Variants in ANK2 observed in about 807,000 individuals in gnomAD.
The protein encoded by ANK2 is ankyrin-2.
In ANK2, 83 loss-of-function variants were observed where a neutral mutation model predicts 360.5. The ratio of observed to expected loss-of-function variants is 0.23; its 90% CI spans 0.19 to 0.28. The LOEUF is 0.28. ANK2 is among the 10% of genes least tolerant of loss of function. The probability of loss-of-function intolerance (pLI) is 1.00; values close to 1 mark genes in which losing one functional copy is unlikely to be tolerated. For synonymous variants in ANK2, 1,740 were observed against 1,759.5 expected, an observed-to-expected ratio of 0.99 and a Z score of 0.28; for missense variants, 4,201 against 4,795.7, an observed-to-expected ratio of 0.88 and a Z score of 3.66.
chr4:112,808,377 C>T, the ANK2 span, among the ~76,000 whole-genome samples: 4 of 152,180 alleles, frequency 2.6e-5, no homozygotes, highest in Non-Finnish European at 5.9e-5. Flanking sequence ...ATTACTCTCT[C>T]CCATTATGTG....
the ANK2 span, among the ~76,000 whole-genome samples, chr4:112,779,674 GTT>G: frequency 6.6e-6 from 1 of 152,132 alleles, no homozygotes; most frequent in Admixed American, 6.6e-5. Flanking sequence ...TTTCCTCAAA[GTT>G]CTGGAATGTG....
At chr4:113,142,654 G>A (rs958675031) in intron 1 of ANK2, among the ~76,000 whole-genome samples, 3 of 152,028 alleles carry the variant, frequency 2.0e-5, no homozygotes, top group African/African-American at 7.2e-5. Flanking sequence ...AATCATAGGA[G>A]TATGGATATT....
At chr4:113,373,053 C>T in intron 43 of ANK2, 37 bp from the exon 44 acceptor site, 1 of 1,564,082 alleles carries the variant, frequency 6.4e-7, no homozygotes. Context: ...GAATTGGTGC[C>T]AAACACCACA....
At chr4:112,776,943 A>G in the ANK2 span, among the ~76,000 whole-genome samples, 3 of 152,178 alleles carry the variant, frequency 2.0e-5, no homozygotes, top group Non-Finnish European at 4.4e-5. Context: ...GCTTTTACTC[A>G]TCCCTGAAAC....
intron 1 of ANK2, among the ~76,000 whole-genome samples, chr4:113,085,903 GTTCATTAA>G (rs969130935): frequency 1.1e-4 from 17 of 152,028 alleles, no homozygotes; most frequent in African/African-American, 4.1e-4. Context: ...TTCTGGAACA[GTTCATTAA>G]AAGCTCTGCA....
At chr4:112,968,752 A>G (rs1294696043) in intron 2 of ANK2, among the ~76,000 whole-genome samples, 2 of 152,204 alleles carry the variant, frequency 1.3e-5, no homozygotes, top group African/African-American at 4.8e-5. Context: ...TTATTTAATG[A>G]ACTTAGCATA....
At chr4:113,234,735 T>C (rs1028994171) in intron 5 of ANK2, among the ~76,000 whole-genome samples, 1 of 152,204 alleles carries the variant, frequency 6.6e-6, no homozygotes, top group African/African-American at 2.4e-5. Context: ...ACTTTAAAGT[T>C]CAATAATTGT....
Position 113,023,086 on chromosome 4 carries a change from G to T in ANK2, c.21+118572G>T, listed in dbSNP as rs189431494. Among the ~76,000 whole-genome samples, 14 of 152,136 alleles carry T rather than the reference G, an allele frequency of 9.2e-5. No homozygotes were observed. The East Asian group carries it at 2.7e-3, about 29-fold the overall frequency. ...ACTACCAGGGCACATGTTTACGAATGTAACAAACCTACACGTCCTGCACAT... is the reference window on the plus strand; with the variant it reads ...ACTACCAGGGCACATGTTTACGAATTTAACAAACCTACACGTCCTGCACAT... On this transcript the variant is annotated intron_variant, in intron 2 of 30. Transcript: ENST00000503271.
chr4:112,798,655 A>G, the ANK2 span: 1 of 152,202 alleles, frequency 6.6e-6, no homozygotes, highest in South Asian at 2.1e-4. Context: ...TCTGCTTGAT[A>G]ACTTTGTGTA....
At chr4:113,212,950 T>C (rs1464332087) in intron 4 of ANK2, among the ~76,000 whole-genome samples, 2 of 152,204 alleles carry the variant, frequency 1.3e-5, no homozygotes, top group African/African-American at 2.4e-5. Context: ...CACTGTCAAT[T>C]TGAGTATATG....
At chr4:112,730,693 A>T in the ANK2 span, among the ~76,000 whole-genome samples, 1 of 150,696 alleles carries the variant, frequency 6.6e-6, no homozygotes, top group Non-Finnish European at 1.5e-5. Flanking sequence ...AGTAGATTTT[A>T]AGTGTTCTTA....
intron 23 of ANK2, among the ~76,000 whole-genome samples, chr4:113,304,676 A>G (rs1164596496): frequency 6.6e-6 from 1 of 152,174 alleles, no homozygotes; most frequent in Non-Finnish European, 1.5e-5. Context: ...ACTTGAAATT[A>G]ATGCAGTTTA....
At chr4:112,741,514 C>T in the ANK2 span, among the ~76,000 whole-genome samples, 15 of 152,278 alleles carry the variant, frequency 9.9e-5, no homozygotes, top group East Asian at 2.3e-3. Flanking sequence ...CAGAGCAGTC[C>T]GTCTGTCATC....
intron 1 of ANK2, among the ~76,000 whole-genome samples, chr4:112,822,081 C>G (rs2057223698): frequency 6.6e-6 from 1 of 151,886 alleles, no homozygotes; most frequent in Non-Finnish European, 1.5e-5. Context: ...TTTCTTTATA[C>G]AAACCTATTC....
chr4:113,369,830 C>T (rs1419814346), intron 43 of ANK2, 25 bp downstream of exon 43: 22 of 1,613,580 alleles, frequency 1.4e-5, no homozygotes, highest in South Asian at 2.2e-5. Flanking sequence ...TCCACTTTCT[C>T]GCCCACCTGT....
chr4:113,075,068 GC>G (rs1399244359), intron 1 of ANK2, among the ~76,000 whole-genome samples: 1 of 152,132 alleles, frequency 6.6e-6, no homozygotes, highest in Non-Finnish European at 1.5e-5. Context: ...CAGGATGTTG[GC>G]CCCCACCCCA....
intron 1 of ANK2, among the ~76,000 whole-genome samples, chr4:113,085,865 A>C (rs1036762251): frequency 1.3e-5 from 2 of 152,142 alleles, no homozygotes; most frequent in African/African-American, 4.8e-5. Flanking sequence ...GAACCTTTAC[A>C]TAATTTTCTT....
At chr4:113,072,214 T>C (rs2154341133) in intron 1 of ANK2, among the ~76,000 whole-genome samples, 1 of 152,348 alleles carries the variant, frequency 6.6e-6, no homozygotes, top group South Asian at 2.1e-4. Flanking sequence ...GATATAATGA[T>C]GGAGCTCTGG....
At chr4:113,298,720 A>T (rs573796035) in intron 22 of ANK2, among the ~76,000 whole-genome samples, 6 of 152,344 alleles carry the variant, frequency 3.9e-5, no homozygotes, top group Non-Finnish European at 8.8e-5. Context: ...CTTTTAAAGT[A>T]GTTTCTAATC....
Sources: allele counts gnomAD v4.1 joint callset (sites outside exome capture counted in the v4.1 genomes callset), GRCh38; gene constraint gnomAD v4.1.1; transcripts MANE v1.5; gene names NCBI Gene and HGNC (gene_info 2026-07-23, HGNC 2026-07-21).